MUC12: variants seen among roughly 807,000 people sequenced by gnomAD.
MUC12 encodes the protein mucin-12.
MUC12 carries 172 observed loss-of-function variants against 230.8 expected under a neutral mutation model. The ratio of observed to expected loss-of-function variants is 0.75; its 90% CI spans 0.66 to 0.85. The LOEUF (loss-of-function observed/expected upper bound fraction) is 0.85, where lower values mean the gene tolerates loss of function less well. Ranked by LOEUF, MUC12 falls within the 40% of genes least tolerant of loss-of-function variation. The pLI is 0.00. For missense variants in MUC12, 3,506 were observed against 5,920.6 expected (o/e 0.59, Z 13.38); for synonymous variants, 1,259 against 2,401.9 (o/e 0.52, Z 13.91).
At chr7:101,015,852 A>G (rs1217300783) in intron 10 of MUC12, among the ~76,000 whole-genome samples, 161 bp downstream of exon 10, 1 of 152,108 alleles carries the variant, frequency 6.6e-6, no homozygotes. Context: ...GGACCCAGAC[A>G]CCACCCCTGC....
chr7:100,992,710 C>G lies in MUC12; in HGVS notation c.2147C>G (p.Thr716Ser). 6.5e-7 allele frequency: 1 copy of G among 1,536,232 alleles called. No individual in the cohort carries two copies. The part of the protein sequence containing the change: ...TTSGRGEEST[T>S]SHSSTTHTIS... ...TCAGGCCGTGGTGAAGAATCAACAA[C>G]TTCCCACAGCAGCACAACACACACA... The change falls in exon 2 of 12, where the codon ACT becomes AGT. Residue 716 changes from threonine (T) to serine (S), a missense_variant. Physicochemically the swap from Thr to Ser is moderately conservative, Grantham distance 58 (BLOSUM62 1). Transcript: ENST00000536621.
At chr7:100,986,239 C>A (rs929693445) in intron 1 of MUC12, among the ~76,000 whole-genome samples, 4 of 151,992 alleles carry the variant, frequency 2.6e-5, no homozygotes, top group Non-Finnish European at 4.4e-5. Flanking sequence ...GTGGCACACC[C>A]CTGTAGCCCC....
chr7:100,989,048 A>G (rs367833667), intron 1 of MUC12, among the ~76,000 whole-genome samples: 1 of 143,756 alleles, frequency 7.0e-6, no homozygotes, highest in African/African-American at 2.6e-5. Context: ...CCATTAAACC[A>G]TTTTTTCTGT....
intron 1 of MUC12, among the ~76,000 whole-genome samples, chr7:100,986,818 G>A (rs1382415517): frequency 6.6e-6 from 1 of 152,136 alleles, no homozygotes; most frequent in South Asian, 2.1e-4. Flanking sequence ...CACACACCCT[G>A]TCCTCTCAAG....
At chr7:100,984,116 CCAAA>C (rs779715762) in intron 1 of MUC12, among the ~76,000 whole-genome samples, 4 of 151,962 alleles carry the variant, frequency 2.6e-5, no homozygotes, top group Non-Finnish European at 5.9e-5. Flanking sequence ...TCTTGGTGTC[CCAAA>C]CAAAGAATTG....
intron 5 of MUC12, 92 bp downstream of exon 5, chr7:101,009,251 C>A: frequency 7.6e-7 from 1 of 1,320,278 alleles, no homozygotes; most frequent in South Asian, 1.3e-5. Context: ...GCTAGAATAT[C>A]AATACTGGTT....
chr7:101,004,614 C>T lies in MUC12; in HGVS notation c.14051C>T (p.Thr4684Ile), dbSNP rs752261023. The T allele has an allele frequency of 5.9e-6, 9 of 1,536,840 alleles. No homozygotes were observed. The highest frequency in any genetic ancestry group is 2.4e-5 in the South Asian group (2 of 84,022). ...ACCTCCGGCCGTAGTGAGGAATCAA[C>T]AGCATCCCACAGCAGCCCAGATACA... is the stretch of plus-strand genomic sequence containing the variant. Reference protein sequence around the residue: ...STTSGRSEESTASHSSPDTNG... With the variant: ...STTSGRSEESIASHSSPDTNG... Residue 4684 changes from threonine to isoleucine, a missense_variant, in exon 2 of 12, where the codon ACA becomes ATA. By Grantham distance (89) the Thr-to-Ile change is moderately conservative. Transcript: ENST00000536621.
chr7:101,009,061 C>T, intron 4 of MUC12, 34 bp from the exon 5 acceptor site: 1 of 1,535,286 alleles, frequency 6.5e-7, no homozygotes. Context: ...CATGCTCTAG[C>T]TTTGTGTGAC....
At chr7:101,017,235 C>T (rs1793944786) in intron 10 of MUC12, 1 of 234,014 alleles carries the variant, frequency 4.3e-6, no homozygotes, top group Admixed American at 5.4e-5. Flanking sequence ...GGAGGGCGGC[C>T]CTGCTGACCC....
chr7:101,005,185 T>C lies in MUC12; in HGVS notation c.14622T>C (p.His4874=). Residue 4874 remains histidine, a synonymous_variant, in exon 2 of 12, where the codon CAT becomes CAC. Coordinates refer to ENST00000536621, the MANE Select transcript of MUC12 (RefSeq NM_001164462.2). ...CTCACAGCAACACAATGTCCATTCA[T>C]AGTCAACAATCTACACCCTTCCCTG... The part of the protein sequence containing the change: ...AFSHSNTMSI[H]SQQSTPFPDS... The C allele has an allele frequency of 2.6e-6, 4 of 1,537,604 alleles. No individual in the cohort carries two copies. The highest frequency in any genetic ancestry group is 1.2e-5 in the South Asian group (1 of 84,024).
At chr7:101,013,778 G>C in intron 8 of MUC12, 135 bp from the exon 9 acceptor site, 1 of 1,079,462 alleles carries the variant, frequency 9.3e-7, no homozygotes, top group Non-Finnish European at 1.3e-6. Flanking sequence ...AGGGACCCAG[G>C]CTCTCTGGGG....
At chr7:100,972,199 G>A in intron 1 of MUC12, 1 of 703,152 alleles carries the variant, frequency 1.4e-6, no homozygotes, top group East Asian at 2.7e-5. Flanking sequence ...GGAAGTCGGG[G>A]CAGATGAGGA....
At chr7:101,008,805 G>A (rs748784117) in intron 4 of MUC12, 44 bp downstream of exon 4, 47 of 1,513,474 alleles carry the variant, frequency 3.1e-5, no homozygotes, top group South Asian at 2.5e-4. Flanking sequence ...GATGTCCCAC[G>A]TGAGAGGAAA....
At chr7:101,014,855 C>T (rs1369983539) in intron 9 of MUC12, among the ~76,000 whole-genome samples, 2 of 151,910 alleles carry the variant, frequency 1.3e-5, no homozygotes, top group Non-Finnish European at 2.9e-5. Flanking sequence ...ACTATATTGC[C>T]CCGGCTGGTC....
At position 101,004,850 on chromosome 7, in the gene MUC12, A is replaced by G. The variant is rs762665070; in HGVS notation, c.14287A>G (p.Ser4763Gly). The change falls in exon 2 of 12, where the codon AGT becomes GGT. Residue 4763 changes from serine (S) to glycine (G), a missense_variant. Physicochemically the swap from Ser to Gly is moderately conservative, Grantham distance 56. Coordinates refer to ENST00000536621, the MANE Select transcript of MUC12 (RefSeq NM_001164462.2). Reference sequence around the variant, plus strand: ...TGCCAGCATGACAAGCTCCAGCATCAGTGGAGAACCCACCAGCTTGTATAG... The same window carrying G: ...TGCCAGCATGACAAGCTCCAGCATCGGTGGAGAACCCACCAGCTTGTATAG... ...SPASMTSSSI[S>G]GEPTSLYSQA... The G allele has an allele frequency of 1.2e-5, 19 of 1,537,122 alleles. No individual in the cohort carries two copies. Among genetic ancestry groups the G allele is most frequent in the Admixed American group, 3.9e-5 (2 of 50,970 alleles).
chr7:101,008,689 A>G lies in MUC12; in HGVS notation c.15114A>G (p.Arg5038=). ...GTATGACAGTGAAAGTGACTTACAG[A>G]AATTTCACAGAAAAGATGAATGACG... ...TLGMTVKVTY[R]NFTEKMNDAS... is the part of the protein sequence containing the mutation. Residue 5038 remains arginine, a synonymous_variant, in exon 4 of 12, where the codon AGA becomes AGG. Transcript: ENST00000536621. The G allele has an allele frequency of 6.5e-7, 1 of 1,537,368 alleles. No individual in the cohort carries two copies. The highest frequency in any genetic ancestry group is 8.7e-7 in the Non-Finnish European group (1 of 1,146,946).
At position 101,004,678 on chromosome 7, in the gene MUC12, A is replaced by G. The variant is rs1308885168; in HGVS notation, c.14115A>G (p.Ser4705=). The G allele has an allele frequency of 1.5e-5, 23 of 1,537,778 alleles. No homozygotes were observed. The Admixed American group carries it at 4.5e-4, about 30-fold the overall frequency. ...CCTTACCTGCCCATTTTACTACCTC[A>G]GGCCGCATTGCAGAATCTACCACCT... ...ITPLPAHFTT[S]GRIAESTTFY... is the part of the protein sequence containing the mutation. Residue 4705 remains serine, a synonymous_variant, in exon 2 of 12, where the codon TCA becomes TCG. Coordinates refer to ENST00000536621, the MANE Select transcript of MUC12 (RefSeq NM_001164462.2).
intron 1 of MUC12, among the ~76,000 whole-genome samples, chr7:100,975,414 C>A: frequency 6.6e-6 from 1 of 152,310 alleles, no homozygotes; most frequent in East Asian, 1.9e-4. Flanking sequence ...GAGGTGAGAA[C>A]AGATTGCTTC....
rs148539449 is a variant in MUC12 at position 101,018,507 on chromosome 7, C to T, written c.15967-88C>T. ...TCCCTCCCTCCCCCTGGGGTTCCCT[C>T]CTCCCCGCCAGGGCTCCCTCTTCCT... On this transcript the variant is annotated intron_variant, in intron 11 of 11. Coordinates refer to ENST00000536621, the MANE Select transcript of MUC12 (RefSeq NM_001164462.2). The T allele has an allele frequency of 4.2e-3, 5,579 of 1,317,930 alleles. 15 individuals are homozygous for T. The highest frequency in any genetic ancestry group is 5.0e-3 in the Non-Finnish European group (4,825 of 955,890). The allele number at this position is 1,317,930 out of a possible 1,614,324, so 81.6% of individuals were successfully genotyped here. A position where few individuals can be genotyped will look rare whatever the true frequency, so the allele number is the denominator to read the frequency against.
Sources: gnomAD v4.1 joint callset for allele counts (sites outside exome capture counted in the v4.1 genomes callset) on GRCh38, gnomAD v4.1.1 for gene constraint, MANE v1.5 for transcripts, NCBI Gene and HGNC (gene_info 2026-07-23, HGNC 2026-07-21) for gene names.